Variants in PTPRD observed in about 807,000 individuals in gnomAD.
PTPRD encodes the protein receptor-type tyrosine-protein phosphatase delta.
Under a neutral mutation model 214.5 loss-of-function variants are expected in PTPRD, and 34 were observed. The observed-to-expected ratio is 0.16, with a 90% CI of 0.12 to 0.21. The LOEUF is 0.21. PTPRD is among the 10% of genes least tolerant of loss of function. PTPRD has a pLI of 1.00. For missense variants in PTPRD, 2,545 were observed against 2,398.7 expected (o/e 1.06, Z -1.27); for synonymous variants, 1,128 against 845.7 (o/e 1.33, Z -5.79).
At chr9:9,117,272 T>C (rs1381444535) in intron 10 of PTPRD, among the ~76,000 whole-genome samples, 6 of 151,184 alleles carry the variant, frequency 4.0e-5, no homozygotes, top group South Asian at 2.1e-4. Flanking sequence ...ACCCAAGTAA[T>C]TAATTCGTGA....
At chr9:10,110,937 T>C (rs1354252263) in intron 3 of PTPRD, among the ~76,000 whole-genome samples, 1 of 152,202 alleles carries the variant, frequency 6.6e-6, no homozygotes, top group African/African-American at 2.4e-5. Flanking sequence ...TGATCTGGAC[T>C]GCTATTTATT....
chr9:8,698,244 T>C (rs2097973297), intron 12 of PTPRD, among the ~76,000 whole-genome samples: 2 of 152,222 alleles, frequency 1.3e-5, no homozygotes, highest in Non-Finnish European at 2.9e-5. Context: ...GTGATAGATG[T>C]TTATTCAGTG....
At chr9:8,626,203 G>A (rs1343283046) in intron 14 of PTPRD, among the ~76,000 whole-genome samples, 1 of 151,812 alleles carries the variant, frequency 6.6e-6, no homozygotes, top group African/African-American at 2.4e-5. Context: ...ATCAATGAAA[G>A]CCAACCAACT....
intron 3 of PTPRD, among the ~76,000 whole-genome samples, chr9:10,083,360 A>T (rs1014958053): frequency 6.6e-6 from 1 of 152,044 alleles, no homozygotes; most frequent in African/African-American, 2.4e-5. Context: ...GTAGGTTTTC[A>T]TATACACAGA....
chr9:9,556,591 C>A (rs547103805), intron 8 of PTPRD, among the ~76,000 whole-genome samples: 2 of 152,116 alleles, frequency 1.3e-5, no homozygotes, highest in Admixed American at 1.3e-4. Flanking sequence ...ATTGTAGATC[C>A]TCAGTTAATA....
At chr9:8,352,895 G>A (rs763134292) in intron 39 of PTPRD, among the ~76,000 whole-genome samples, 2 of 152,004 alleles carry the variant, frequency 1.3e-5, no homozygotes, top group Non-Finnish European at 2.9e-5. Flanking sequence ...GACGGATCAC[G>A]AAGTTAAGAG....
At chr9:8,558,563 G>T (rs1190185899) in intron 14 of PTPRD, among the ~76,000 whole-genome samples, 1 of 152,190 alleles carries the variant, frequency 6.6e-6, no homozygotes, top group African/African-American at 2.4e-5. Context: ...CTTTTCACAT[G>T]TGTCAGATTT....
chr9:9,043,975 T>C lies in PTPRD; in HGVS notation c.-142-25240A>G, dbSNP rs147686428. Among the ~76,000 whole-genome samples the C allele has an allele frequency of 3.5e-3, 527 of 151,582 alleles. 1 individual carries two copies. The highest frequency in any genetic ancestry group is 0.012 in the African/African-American group (493 of 41,400). ...AAAATAAAATGAAAGTAAAATAAAATAGAAAAACTAAAACTTCAGTGATAG... is the reference window on the plus strand; with the variant it reads ...AAAATAAAATGAAAGTAAAATAAAACAGAAAAACTAAAACTTCAGTGATAG... On this transcript the variant is annotated intron_variant, in intron 10 of 45. Coordinates refer to ENST00000381196, the MANE Select transcript of PTPRD (RefSeq NM_002839.4).
intron 43 of PTPRD, among the ~76,000 whole-genome samples, chr9:8,332,113 T>C (rs1446849393): frequency 6.6e-6 from 1 of 152,042 alleles, no homozygotes; most frequent in Non-Finnish European, 1.5e-5. Context: ...ACATATAAAA[T>C]GGAACATATA....
At chr9:8,594,165 T>G (rs961652738) in intron 14 of PTPRD, among the ~76,000 whole-genome samples, 4 of 152,184 alleles carry the variant, frequency 2.6e-5, no homozygotes, top group Non-Finnish European at 5.9e-5. Flanking sequence ...AGAATAAATC[T>G]AATCTCCAAT....
intron 3 of PTPRD, among the ~76,000 whole-genome samples, chr9:10,333,813 A>T (rs985021348): frequency 6.6e-6 from 1 of 151,736 alleles, no homozygotes; most frequent in East Asian, 1.9e-4. Flanking sequence ...GGTCTCTAGG[A>T]TTGTTGTGGA....
chr9:9,019,232 A>G (rs1204429728), intron 10 of PTPRD, among the ~76,000 whole-genome samples: 1 of 151,698 alleles, frequency 6.6e-6, no homozygotes, highest in African/African-American at 2.4e-5. Context: ...GAAAGACAGA[A>G]TCTACCAGAC....
intron 6 of PTPRD, among the ~76,000 whole-genome samples, chr9:9,757,932 G>T (rs1247967217): frequency 1.3e-5 from 2 of 151,742 alleles, no homozygotes; most frequent in South Asian, 2.1e-4. Flanking sequence ...TTCCTGGGGG[G>T]TTCCTAGAAC....
intron 2 of PTPRD, among the ~76,000 whole-genome samples, chr9:10,464,986 G>A (rs994521495): frequency 1.3e-5 from 2 of 152,120 alleles, no homozygotes; most frequent in African/African-American, 4.8e-5. Flanking sequence ...ACAAGGCTAT[G>A]AATCACAACC....
In PTPRD at chr9:8,508,115, G is replaced by C. The variant is rs146520155; in HGVS notation, c.1544-681C>G. Among the ~76,000 whole-genome samples, 105 of 152,188 alleles carry C rather than the reference G, an allele frequency of 6.9e-4. 1 individual carries two copies. The highest frequency in any genetic ancestry group is 2.4e-3 in the African/African-American group (101 of 41,534). Reference sequence around the variant, plus strand: ...AAAATATCCTCTCTAGTGCCACAAAGCTAAACTACTACAAAAATTAAGAAG... The same window carrying C: ...AAAATATCCTCTCTAGTGCCACAAACCTAAACTACTACAAAAATTAAGAAG... On this transcript the variant is annotated intron_variant, in intron 21 of 45. Coordinates refer to ENST00000381196, the MANE Select transcript of PTPRD (RefSeq NM_002839.4).
At chr9:9,723,092 G>T (rs2097994904) in intron 7 of PTPRD, among the ~76,000 whole-genome samples, 1 of 152,012 alleles carries the variant, frequency 6.6e-6, no homozygotes, top group South Asian at 2.1e-4. Context: ...AAGAACCACT[G>T]TGTAACACAA....
intron 10 of PTPRD, among the ~76,000 whole-genome samples, chr9:9,066,026 A>G (rs2154404387): frequency 6.6e-6 from 1 of 152,268 alleles, no homozygotes; most frequent in East Asian, 1.9e-4. Flanking sequence ...TATACATGTG[A>G]TTGTCATCTC....
chr9:8,629,638 C>A (rs2096181184), intron 14 of PTPRD, among the ~76,000 whole-genome samples: 1 of 151,740 alleles, frequency 6.6e-6, no homozygotes, highest in South Asian at 2.1e-4. Flanking sequence ...ACTTAAAGTT[C>A]TGCTTAGGAT....
At chr9:9,957,420 AAAAACAGAT>A (rs1435198353) in intron 4 of PTPRD, among the ~76,000 whole-genome samples, 2 of 152,142 alleles carry the variant, frequency 1.3e-5, no homozygotes, top group African/African-American at 4.8e-5. Flanking sequence ...TTTCAAAGGA[AAAAACAGAT>A]AAACAAGGTA....
Sources: allele counts gnomAD v4.1 joint callset (sites outside exome capture counted in the v4.1 genomes callset), GRCh38; gene constraint gnomAD v4.1.1; transcripts MANE v1.5; gene names NCBI Gene and HGNC (gene_info 2026-07-23, HGNC 2026-07-21).